VXN: variants seen among roughly 807,000 people sequenced by gnomAD.
VXN encodes the protein uncharacterized protein C8orf46.
A neutral mutation model predicts 23.1 loss-of-function variants in VXN; 7 were observed. That is an observed-to-expected ratio of 0.30 (90% CI 0.17 to 0.57). The LOEUF is 0.57. VXN is among the 20% of genes least tolerant of loss of function. VXN has a pLI of 0.91. For missense variants in VXN, 238 were observed against 272.6 expected (o/e 0.87, Z 0.89); for synonymous variants, 120 against 105.8 (o/e 1.13, Z -0.83).
At chr8:66,508,250 T>C (rs771240665) in intron 3 of VXN, among the ~76,000 whole-genome samples, 11 of 152,112 alleles carry the variant, frequency 7.2e-5, no homozygotes, top group South Asian at 4.2e-4. Context: ...ATTTCTCTCC[T>C]AGCCCTCTTG....
chr8:66,510,941 C>G (rs1175958340), intron 4 of VXN, among the ~76,000 whole-genome samples: 1 of 152,196 alleles, frequency 6.6e-6, no homozygotes, highest in African/African-American at 2.4e-5. Flanking sequence ...CCGGAACAAG[C>G]ATTACCCACT....
At chr8:66,514,596 A>G (rs186425411) in intron 5 of VXN, among the ~76,000 whole-genome samples, 4 of 152,128 alleles carry the variant, frequency 2.6e-5, no homozygotes, top group Admixed American at 6.5e-5. Flanking sequence ...CGCCCAGCCG[A>G]TTTTTGTATT....
chr8:66,505,662 G>T (rs759159691), intron 3 of VXN, 134 bp downstream of exon 3: 69 of 1,112,974 alleles, frequency 6.2e-5, no homozygotes, highest in Non-Finnish European at 7.9e-5. Flanking sequence ...AAGCACCTGT[G>T]CTTTCCCAAG....
intron 2 of VXN, among the ~76,000 whole-genome samples, chr8:66,498,167 CAAAA>C (rs57990704): frequency 8.3e-6 from 1 of 121,052 alleles, no homozygotes; most frequent in Non-Finnish European, 1.7e-5. Context: ...GACTCCGTCT[CAAAA>C]AAAAAAAAAA....
At position 66,497,885 on chromosome 8, in the gene VXN, C is replaced by T. The variant is rs541796177; in HGVS notation, c.126+1393C>T. Among the ~76,000 whole-genome samples the T allele has an allele frequency of 7.9e-5, 12 of 151,876 alleles. No individual in the cohort carries two copies. In the South Asian group the frequency reaches 8.3e-4, roughly 11 times the overall value. On this transcript the variant is annotated intron_variant, in intron 2 of 5. Coordinates refer to ENST00000305454, the MANE Select transcript of VXN (RefSeq NM_152765.4). ...CAAAAAAGTCAAAAAATTAGCCAGG[C>T]GGCCAGGCGCAGTGGCTCACGCCTG...
Position 66,517,539 on chromosome 8 carries a change from G to C in VXN, c.*1463G>C, listed in dbSNP as rs1807911294. The stretch of plus-strand genomic sequence containing the variant: ...GATTTTCATCCCAAACACTAAACAT[G>C]ATTGATGGGTAGAGGCTGCCCGAAG... On this transcript the variant is annotated 3_prime_UTR_variant, in exon 6 of 6. Coordinates refer to ENST00000305454, the MANE Select transcript of VXN (RefSeq NM_152765.4). 6.6e-6 allele frequency: 1 copy of C among 152,204 alleles called. No homozygotes were observed. The highest frequency in any genetic ancestry group is 1.5e-5 in the Non-Finnish European group (1 of 68,038). The allele number at this position is 152,204 out of a possible 1,614,324, so 9.4% of individuals were successfully genotyped here. A position where few individuals can be genotyped will look rare whatever the true frequency, so the allele number is the denominator to read the frequency against.
chr8:66,502,484 G>C (rs62512581), intron 2 of VXN, among the ~76,000 whole-genome samples: 2,595 of 152,202 alleles, frequency 0.017, 60 homozygotes, highest in African/African-American at 0.049. Flanking sequence ...ACAGTGGCTC[G>C]CACCTGTAAT....
intron 2 of VXN, among the ~76,000 whole-genome samples, chr8:66,499,456 C>T (rs1390540438): frequency 6.6e-6 from 1 of 152,038 alleles, no homozygotes; most frequent in Non-Finnish European, 1.5e-5. Flanking sequence ...TAGTCTCAAA[C>T]TCTTGGACTC....
At chr8:66,513,066 C>T (rs1807843078) in intron 4 of VXN, among the ~76,000 whole-genome samples, 1 of 152,186 alleles carries the variant, frequency 6.6e-6, no homozygotes, top group Non-Finnish European at 1.5e-5. Context: ...CCCTTGAAGG[C>T]TGCAGCGGAG....
At position 66,518,380 on chromosome 8, in the gene VXN, C is replaced by T. The variant is rs879117648; in HGVS notation, c.*2304C>T. 2 of 152,168 alleles carry T rather than the reference C, an allele frequency of 1.3e-5. No homozygotes were observed. Among genetic ancestry groups the T allele is most frequent in the African/African-American group, 4.8e-5 (2 of 41,430 alleles). The allele number at this position is 152,168 out of a possible 1,614,324, so 9.4% of individuals were successfully genotyped here. ...GGTATCTTTCATTTGTATGTGGCAG[C>T]TAGAGATTTATATAGGATGGAAGTA... On this transcript the variant is annotated 3_prime_UTR_variant, in exon 6 of 6. Transcript: ENST00000305454.
rs748829678 is a variant in VXN, at chr8:66,505,192, A to G, written c.127-183A>G. ...ATTTGGCAGTCTGAAGTCAAATAAA[A>G]CAGTCACTTCTGGCCGGTTTCCTGC... On this transcript the variant is annotated intron_variant, in intron 2 of 5. Transcript: ENST00000305454. The G allele has an allele frequency of 9.6e-6, 8 of 832,618 alleles. No homozygotes were observed. In the South Asian group the frequency reaches 1.0e-4, roughly 11 times the overall value. The allele number at this position is 832,618 out of a possible 1,614,324, so 51.6% of individuals were successfully genotyped here.
At chr8:66,498,247 T>A (rs530382649) in intron 2 of VXN, among the ~76,000 whole-genome samples, 39 of 151,542 alleles carry the variant, frequency 2.6e-4, no homozygotes, top group Non-Finnish European at 4.3e-4. Flanking sequence ...AGTGGAAGGA[T>A]CATGTGAGCC....
chr8:66,515,807 A>G (rs1328431117), intron 5 of VXN, 86 bp from the exon 6 acceptor site: 1 of 1,168,604 alleles, frequency 8.6e-7, no homozygotes, highest in Non-Finnish European at 1.2e-6. Context: ...GAGGAGAGAG[A>G]GCTCTGGCCA....
chr8:66,511,376 A>C (rs925142075), intron 4 of VXN, among the ~76,000 whole-genome samples: 2 of 152,170 alleles, frequency 1.3e-5, no homozygotes, highest in African/African-American at 4.8e-5. Flanking sequence ...GTCACAAACA[A>C]ATTGGACAGA....
Position 66,493,577 on chromosome 8 carries a change from G to C in VXN, c.-72G>C, listed in dbSNP as rs1160134741. 7.8e-7 allele frequency: 1 copy of C among 1,287,790 alleles called. No homozygotes were observed. The highest frequency in any genetic ancestry group is 1.2e-5 in the South Asian group (1 of 83,474). 79.8% of individuals were successfully genotyped at this position (1,287,790 alleles called of 1,614,324 possible). A position where few individuals can be genotyped will look rare whatever the true frequency, so the allele number is the denominator to read the frequency against. On this transcript the variant is annotated 5_prime_UTR_variant, in exon 1 of 6. Coordinates refer to ENST00000305454, the MANE Select transcript of VXN (RefSeq NM_152765.4). Reference sequence around the variant, plus strand: ...ATGATCCCTGAGCCAGACTGGATTAGGATGCCTCGCGACTAGGGGTCCAGA... The same window carrying C: ...ATGATCCCTGAGCCAGACTGGATTACGATGCCTCGCGACTAGGGGTCCAGA...
intron 3 of VXN, among the ~76,000 whole-genome samples, chr8:66,507,430 G>A (rs922756418): frequency 6.6e-6 from 1 of 152,154 alleles, no homozygotes; most frequent in African/African-American, 2.4e-5. Flanking sequence ...CATAGAAACT[G>A]TTTGACCTAC....
Position 66,513,608 on chromosome 8 carries a change from C to A in VXN, c.411C>A (p.Gly137=). 1 of 1,614,128 alleles carries A rather than the reference C, an allele frequency of 6.2e-7. No homozygotes were observed. The highest frequency in any genetic ancestry group is 2.2e-5 in the East Asian group (1 of 44,876). ...CCTCATTGGAGGCGACAGCCATGGG[C>A]ACAGAGAAGGGAGCTGTTCTGATGA... is the stretch of plus-strand genomic sequence containing the variant. ...ASASLEATAM[G]TEKGAVLMRG... Residue 137 remains glycine (G), a synonymous_variant, in exon 5 of 6, where the codon GGC becomes GGA. Transcript: ENST00000305454.
intron 3 of VXN, among the ~76,000 whole-genome samples, chr8:66,507,148 T>C (rs1480521802): frequency 2.6e-5 from 4 of 152,184 alleles, no homozygotes; most frequent in African/African-American, 9.7e-5. Flanking sequence ...GCACAACATA[T>C]TGAGCAGCAA....
At chr8:66,504,488 C>T (rs955307506) in intron 2 of VXN, among the ~76,000 whole-genome samples, 1 of 152,052 alleles carries the variant, frequency 6.6e-6, no homozygotes, top group Non-Finnish European at 1.5e-5. Context: ...CAAGATTCCC[C>T]TTCACGACTC....
Sources: gnomAD v4.1 joint callset for allele counts (sites outside exome capture counted in the v4.1 genomes callset) on GRCh38, gnomAD v4.1.1 for gene constraint, MANE v1.5 for transcripts, NCBI Gene and HGNC (gene_info 2026-07-23, HGNC 2026-07-21) for gene names.